POF1B: variants seen among roughly 807,000 people sequenced by gnomAD.
The protein encoded by POF1B is protein POF1B.
POF1B carries 53 observed loss-of-function variants against 55.3 expected under a neutral mutation model. That is an observed-to-expected ratio of 0.96 (90% CI 0.77 to 1.20). The LOEUF (loss-of-function observed/expected upper bound fraction) is 1.20. POF1B is among the 50% of genes most tolerant of loss of function. The pLI is 0.00. For missense variants in POF1B, 478 were observed against 420.5 expected, an observed-to-expected ratio of 1.14 and a Z score of -1.20; for synonymous variants, 188 against 148.3, an observed-to-expected ratio of 1.27 and a Z score of -1.95.
intron 6 of POF1B, among the ~76,000 whole-genome samples, chrX:85,340,850 A>G (rs979869496): frequency 3.6e-5 from 4 of 111,211 alleles, no homozygotes; most frequent in African/African-American, 1.3e-4. Context: ...ACATTTGTGT[A>G]TTGAGAAAAG....
intron 15 of POF1B, among the ~76,000 whole-genome samples, chrX:85,297,692 A>G (rs1932338345): frequency 1.8e-5 from 2 of 111,227 alleles, no homozygotes; most frequent in Admixed American, 1.9e-4. Flanking sequence ...CAGGGGAGAG[A>G]GATGACACCC....
chrX:85,297,874 T>G (rs1284457386), intron 15 of POF1B, among the ~76,000 whole-genome samples: 1 of 112,194 alleles, frequency 8.9e-6, no homozygotes, highest in Non-Finnish European at 1.9e-5. Context: ...TGTGCCCTGC[T>G]TCTGCACTGG....
At chrX:85,356,228 A>G (rs1188527938) in intron 4 of POF1B, among the ~76,000 whole-genome samples, 1 of 106,038 alleles carries the variant, frequency 9.4e-6, no homozygotes, top group Admixed American at 1.0e-4. Context: ...CAAACACCGC[A>G]TGTTCTCACT....
chrX:85,300,995 A>G (rs1027497332), intron 15 of POF1B, among the ~76,000 whole-genome samples: 1 of 112,223 alleles, frequency 8.9e-6, no homozygotes, highest in African/African-American at 3.2e-5. Context: ...GAACAGAAAG[A>G]AAAAAGAATG....
chrX:85,349,141 C>A (rs1038553777), intron 5 of POF1B, among the ~76,000 whole-genome samples: 1 of 110,899 alleles, frequency 9.0e-6, no homozygotes, highest in Non-Finnish European at 1.9e-5. Flanking sequence ...TATATCCCAG[C>A]TTTCCAAGCA....
At chrX:85,366,934 G>A (rs1933733502) in intron 3 of POF1B, among the ~76,000 whole-genome samples, 1 of 110,951 alleles carries the variant, frequency 9.0e-6, no homozygotes, top group South Asian at 3.8e-4. Flanking sequence ...TCCTTGCTAT[G>A]CTCAAGGACT....
chrX:85,359,695 A>G (rs932270288), intron 3 of POF1B, 65 bp from the exon 4 acceptor site: 28 of 737,175 alleles, frequency 3.8e-5, no homozygotes, highest in Non-Finnish European at 5.2e-5. Flanking sequence ...GCTATCAATA[A>G]TAATAGGGAA....
At position 85,303,394 on chromosome X, in the gene POF1B, A is replaced by C. The variant is rs764628756; in HGVS notation, c.1649+12T>G. On this transcript the variant is annotated intron_variant, in intron 15 of 16. Coordinates refer to ENST00000262753, the MANE Select transcript of POF1B (RefSeq NM_024921.4). ...AATTTTTATATTCAAATTTCATTTA[A>C]AAATACATTACTTTTTAGTGGTAAT... 9.4e-7 allele frequency: 1 copy of C among 1,066,521 alleles called. No individual in the cohort carries two copies. The allele number at this position is 1,066,521 out of a possible 1,213,427, so 87.9% of individuals were successfully genotyped here. A position where few individuals can be genotyped will look rare whatever the true frequency, so the allele number is the denominator to read the frequency against.
At chrX:85,365,156 A>G (rs1933696292) in intron 3 of POF1B, among the ~76,000 whole-genome samples, 1 of 111,056 alleles carries the variant, frequency 9.0e-6, no homozygotes, top group Non-Finnish European at 1.9e-5. Flanking sequence ...TTTTTGTATC[A>G]TTTTATTGTG....
intron 8 of POF1B, among the ~76,000 whole-genome samples, chrX:85,315,389 G>T (rs761688245): frequency 1.4e-4 from 16 of 110,653 alleles, no homozygotes; most frequent in Non-Finnish European, 3.0e-4. Flanking sequence ...AACATCTCTT[G>T]TACCCCATAA....
chrX:85,369,012 GT>G (rs1330477474), intron 2 of POF1B, among the ~76,000 whole-genome samples: 1 of 111,980 alleles, frequency 8.9e-6, no homozygotes, highest in Non-Finnish European at 1.9e-5. Context: ...GGTGTTACAT[GT>G]ATTCTTAAAA....
rs192146390 is a variant in POF1B, at chrX:85,330,819, A to T, written c.854+130T>A. The T allele has an allele frequency of 9.9e-4, 587 of 592,542 alleles. 1 individual carries two copies. Among genetic ancestry groups the T allele is most frequent in the African/African-American group, 8.0e-3 (336 of 42,006 alleles). 48.8% of individuals were successfully genotyped at this position (592,542 alleles called of 1,213,427 possible). On this transcript the variant is annotated intron_variant, in intron 7 of 16. Coordinates refer to ENST00000262753, the MANE Select transcript of POF1B (RefSeq NM_024921.4). Reference sequence around the variant, plus strand: ...GTACTCTAGAACTTAAAGTATAATTAAAAAAAATAAAATAGAAAGTACTAG... The same window carrying T: ...GTACTCTAGAACTTAAAGTATAATTTAAAAAAATAAAATAGAAAGTACTAG...
At chrX:85,344,391 T>C (rs1001436700) in intron 6 of POF1B, among the ~76,000 whole-genome samples, 1 of 111,494 alleles carries the variant, frequency 9.0e-6, no homozygotes, top group African/African-American at 3.2e-5. Context: ...AACATAGCCT[T>C]CCTTGATCTC....
chrX:85,373,116 G>A (rs1048438217), intron 2 of POF1B, among the ~76,000 whole-genome samples: 1 of 111,294 alleles, frequency 9.0e-6, no homozygotes, highest in African/African-American at 3.3e-5. Flanking sequence ...TGGAACATTA[G>A]AATGGGAAAA....
Position 85,303,423 on chromosome X carries a change from A to C in POF1B, c.1632T>G (p.Thr544=). 8.5e-7 allele frequency: 1 copy of C among 1,176,143 alleles called. No individual in the cohort carries two copies. Among genetic ancestry groups the C allele is most frequent in the East Asian group, 3.0e-5 (1 of 33,571 alleles). ...TACATTACTTTTTAGTGGTAATAGT[A>C]GTCCTTCCACCAGTGGAGGGTTGGT... ...SHNQPSTGGR[T]TITTKKYRTQ... Residue 544 remains threonine (T), a synonymous_variant, in exon 15 of 17, where the codon ACT becomes ACG. Coordinates refer to ENST00000262753, the MANE Select transcript of POF1B (RefSeq NM_024921.4).
intron 10 of POF1B, among the ~76,000 whole-genome samples, chrX:85,307,756 T>C (rs1481140408): frequency 9.0e-6 from 1 of 111,632 alleles, no homozygotes; most frequent in African/African-American, 3.2e-5. Context: ...GAGAAAAATG[T>C]TTTCAAGTTA....
At chrX:85,288,300 C>T (rs752342022) in intron 15 of POF1B, among the ~76,000 whole-genome samples, 1 of 111,121 alleles carries the variant, frequency 9.0e-6, no homozygotes, top group African/African-American at 3.3e-5. Context: ...TTCCTCTACC[C>T]TGTCCCCCAC....
rs1392775604 is a variant in POF1B, at chrX:85,360,527, G to GTATGTA, written c.358-898_358-897insTACATA. On this transcript the variant is annotated intron_variant, in intron 3 of 16. Transcript: ENST00000262753. ...ATGGCTGCCTAGTATTCCATGGTAT[G>GTATGTA]TATATATATATATATATATATATAT... is the stretch of plus-strand genomic sequence containing the variant. Among the ~76,000 whole-genome samples, 75 of 58,522 alleles carry GTATGTA rather than the reference G, an allele frequency of 1.3e-3. 1 individual carries two copies. The highest frequency in any genetic ancestry group is 7.5e-3 in the African/African-American group (72 of 9,582). The allele number at this position is 58,522 out of a possible 115,157, so 50.8% of individuals were successfully genotyped here.
chrX:85,326,281 C>A (rs1293129330), intron 7 of POF1B, among the ~76,000 whole-genome samples: 1 of 111,470 alleles, frequency 9.0e-6, no homozygotes, highest in Non-Finnish European at 1.9e-5. Flanking sequence ...ATGGTGGTGG[C>A]GGGGGAGGTA....
Sources: allele counts gnomAD v4.1 joint callset (sites outside exome capture counted in the v4.1 genomes callset), GRCh38; gene constraint gnomAD v4.1.1; transcripts MANE v1.5; gene names NCBI Gene and HGNC (gene_info 2026-07-23, HGNC 2026-07-21).